The following COQ8A variants were observed in gnomAD, a reference collection of about 807,000 sequenced individuals.
The protein encoded by COQ8A is coenzyme Q8A.
Under a neutral mutation model 65.0 loss-of-function variants are expected in COQ8A, and 51 were observed. The observed-to-expected ratio is 0.78, with a 90% CI of 0.63 to 0.99. The LOEUF (loss-of-function observed/expected upper bound fraction) is 0.99, where lower values mean the gene tolerates loss of function less well. Ranked by LOEUF, COQ8A falls within the 50% of genes least tolerant of loss-of-function variation. The pLI, the probability that COQ8A is intolerant of heterozygous loss-of-function variation, is 0.00. For synonymous variants in COQ8A, 371 were observed against 353.2 expected (o/e 1.05, Z -0.57); for missense variants, 940 against 875.0 (o/e 1.07, Z -0.94).
chr1:226,961,322 G>T, intron 1 of COQ8A, 55 bp from the exon 2 acceptor site: 1 of 1,591,394 alleles, frequency 6.3e-7, no homozygotes, highest in Admixed American at 1.7e-5. Flanking sequence ...TTGGTAGTGT[G>T]GGTTTGGCCT....
chr1:226,986,923 G>T lies in COQ8A; in HGVS notation c.*186G>T. ...GCTAAATGGTTGTAGGGTGAGAAGT[G>T]CAAGAATGAAGATGAAGCCCCACTG... is the stretch of plus-strand genomic sequence containing the variant. On this transcript the variant is annotated 3_prime_UTR_variant, in exon 15 of 15. Coordinates refer to ENST00000366777, the MANE Select transcript of COQ8A (RefSeq NM_020247.5). 2 of 706,068 alleles carry T rather than the reference G, an allele frequency of 2.8e-6. No homozygotes were observed. The highest frequency in any genetic ancestry group is 4.7e-6 in the Non-Finnish European group (2 of 427,776). The allele number at this position is 706,068 out of a possible 1,614,324, so 43.7% of individuals were successfully genotyped here.
In COQ8A at chr1:226,971,544, C is replaced by CA. The variant is rs543279579; in HGVS notation, c.655+5812dup. 6.1e-3 allele frequency among the ~76,000 whole-genome samples: 874 copies of CA among 144,456 alleles called. 9 individuals are homozygous for CA. Among genetic ancestry groups the CA allele is most frequent in the African/African-American group, 0.023 (820 of 35,150 alleles). The allele number at this position is 144,456 out of a possible 152,430, so 94.8% of individuals were successfully genotyped here. On this transcript the variant is annotated intron_variant, in intron 4 of 14. Coordinates refer to ENST00000366777, the MANE Select transcript of COQ8A (RefSeq NM_020247.5). Reference sequence around the variant, plus strand: ...TCCAGCCTGGATGACAGCTCCATCTCAAAAAGAAAAAGAAAAAAAAGAAAA... The same window carrying CA: ...TCCAGCCTGGATGACAGCTCCATCTCAAAAAAGAAAAAGAAAAAAAAGAAAA...
intron 1 of COQ8A, among the ~76,000 whole-genome samples, chr1:226,956,206 C>A (rs1396343229): frequency 2.6e-5 from 3 of 115,734 alleles, no homozygotes; most frequent in East Asian, 3.1e-4. Flanking sequence ...TCCCTGGCTG[C>A]CACTCTCCCT....
chr1:226,980,283 C>A (rs1173863960), intron 5 of COQ8A, among the ~76,000 whole-genome samples: 1 of 152,254 alleles, frequency 6.6e-6, no homozygotes, highest in Non-Finnish European at 1.5e-5. Flanking sequence ...GGGTGGGGGA[C>A]ATACCTCCAG....
intron 4 of COQ8A, chr1:226,974,763 G>A (rs1056628100): frequency 6.5e-6 from 1 of 152,872 alleles, no homozygotes; most frequent in African/African-American, 2.4e-5. Context: ...CCTGGCACTG[G>A]GCTGGTCGGT....
In COQ8A at chr1:226,986,785, G is replaced by C. The variant is rs1572090322; in HGVS notation, c.*48G>C. The C allele has an allele frequency of 6.3e-7, 1 of 1,593,682 alleles. No individual in the cohort carries two copies. The highest frequency in any genetic ancestry group is 8.5e-7 in the Non-Finnish European group (1 of 1,174,050). On this transcript the variant is annotated 3_prime_UTR_variant, in exon 15 of 15. Transcript: ENST00000366777. ...GGCTCCGCGGGAACTCTCTCCCTCA[G>C]ACAGGCCAAAAACCAGTAGCGAGGT...
intron 1 of COQ8A, among the ~76,000 whole-genome samples, chr1:226,940,756 C>T (rs1293069656): frequency 6.6e-6 from 1 of 152,232 alleles, no homozygotes; most frequent in East Asian, 1.9e-4. Context: ...GTCGCCAATA[C>T]AGCTTTGATG....
At chr1:226,958,161 T>A (rs1457670794) in intron 1 of COQ8A, 2 of 152,180 alleles carry the variant, frequency 1.3e-5, no homozygotes, top group African/African-American at 4.8e-5. Flanking sequence ...CAATATTTGA[T>A]CCTCATGTTT....
rs1657211580 is a variant in COQ8A, at chr1:226,949,041, C to T, written c.-10+8642C>T. Among the ~76,000 whole-genome samples, 1 of 151,990 alleles carries T rather than the reference C, an allele frequency of 6.6e-6. No individual in the cohort carries two copies. Among genetic ancestry groups the T allele is most frequent in the South Asian group, 2.1e-4 (1 of 4,808 alleles). On this transcript the variant is annotated intron_variant, in intron 1 of 14. Transcript: ENST00000366777. This position sits in a 1 kb window ranked among gnomAD's most constrained non-coding sequence, Gnocchi z 4.0. The stretch of plus-strand genomic sequence containing the variant: ...ATATGCCTGGAGCAGCCCAGCTGGT[C>T]AGGGCAGAGCTGATTCCCAGCCCCA...
At chr1:226,970,191 G>C (rs1246363789) in intron 4 of COQ8A, among the ~76,000 whole-genome samples, 1 of 152,190 alleles carries the variant, frequency 6.6e-6, no homozygotes, top group African/African-American at 2.4e-5. Flanking sequence ...GGCCTCAAGT[G>C]ATCCACCTGC....
At chr1:226,951,615 T>C (rs972088912) in intron 1 of COQ8A, among the ~76,000 whole-genome samples, 5 of 152,090 alleles carry the variant, frequency 3.3e-5, no homozygotes, top group African/African-American at 1.2e-4. Context: ...ACGAGCCTTA[T>C]TGGGGTGTTC....
chr1:226,944,870 C>T (rs1035719988), intron 1 of COQ8A, among the ~76,000 whole-genome samples: 7 of 151,780 alleles, frequency 4.6e-5, no homozygotes, highest in African/African-American at 1.7e-4. Context: ...CTTATCTCTC[C>T]CTACCTCTGC....
intron 1 of COQ8A, 29 bp from the exon 2 acceptor site, chr1:226,961,348 C>T (rs772787657): frequency 1.2e-6 from 2 of 1,612,584 alleles, no homozygotes; most frequent in South Asian, 2.2e-5. Context: ...GGCCTGGGGC[C>T]TCCCCTGACT....
chr1:226,956,554 ACT>A (rs1489320250), intron 1 of COQ8A, among the ~76,000 whole-genome samples: 3 of 60,360 alleles, frequency 5.0e-5, no homozygotes, highest in African/African-American at 1.7e-4. Context: ...CCTGGCTCCC[ACT>A]CTCCCTGGTT....
At chr1:226,965,775 C>T (rs1460745056) in intron 4 of COQ8A, 38 bp downstream of exon 4, 6 of 1,600,592 alleles carry the variant, frequency 3.7e-6, no homozygotes, top group Non-Finnish European at 5.1e-6. Context: ...CCTCACCTGC[C>T]CTGCCTGGGC....
intron 5 of COQ8A, among the ~76,000 whole-genome samples, chr1:226,978,826 A>C (rs117171834): frequency 9.9e-5 from 8 of 80,832 alleles, no homozygotes; most frequent in South Asian, 5.6e-4. Flanking sequence ...CTCCATGCAC[A>C]CACCTCCTTA....
At chr1:226,974,609 G>A (rs7515533) in intron 4 of COQ8A, among the ~76,000 whole-genome samples, 4,688 of 152,264 alleles carry the variant, frequency 0.031, 261 homozygotes, top group African/African-American at 0.11. Context: ...TGAGCAATGC[G>A]CTGAGTCTGG....
chr1:226,954,849 G>T (rs1030803074), intron 1 of COQ8A, among the ~76,000 whole-genome samples: 2 of 152,222 alleles, frequency 1.3e-5, no homozygotes, highest in African/African-American at 4.8e-5. Context: ...CGACTGGGGA[G>T]AGAGTTAGGC....
intron 1 of COQ8A, among the ~76,000 whole-genome samples, chr1:226,947,572 C>T (rs1372798601): frequency 6.6e-6 from 1 of 152,064 alleles, no homozygotes; most frequent in African/African-American, 2.4e-5. Context: ...TTTGGGAGGC[C>T]GAGGTGGGCA....
Sources: gnomAD v4.1 joint callset for allele counts (sites outside exome capture counted in the v4.1 genomes callset) on GRCh38, gnomAD v4.1.1 for gene constraint, Gnocchi (gnomAD v3.1) non-coding constraint, MANE v1.5 for transcripts, NCBI Gene and HGNC (gene_info 2026-07-23, HGNC 2026-07-21) for gene names.